Variants in NF1 observed in about 807,000 individuals in gnomAD.
The protein encoded by NF1 is neurofibromin 1.
A neutral mutation model predicts 325.7 loss-of-function variants in NF1; 122 were observed. The observed-to-expected ratio is 0.37, with a 90% CI of 0.32 to 0.44. The LOEUF is 0.44. Among genes scored for constraint, NF1 ranks in the 20% least tolerant of loss-of-function variants. NF1 has a pLI of 1.00. For synonymous variants in NF1, 1,091 were observed against 1,186.0 expected, an observed-to-expected ratio of 0.92 and a Z score of 1.65; for missense variants, 2,140 against 3,415.4, an observed-to-expected ratio of 0.63 and a Z score of 9.31.
At position 31,095,066 on chromosome 17, in the gene NF1, C is replaced by T. The variant is rs926248013; in HGVS notation, c.-244C>T. The T allele has an allele frequency of 2.1e-6, 1 of 477,552 alleles. No homozygotes were observed. The highest frequency in any genetic ancestry group is 3.7e-6 in the Non-Finnish European group (1 of 270,920). The allele number at this position is 477,552 out of a possible 1,614,324, so 29.6% of individuals were successfully genotyped here. A position where few individuals can be genotyped will look rare whatever the true frequency, so the allele number is the denominator to read the frequency against. On this transcript the variant is annotated 5_prime_UTR_variant, in exon 1 of 58. Transcript: ENST00000358273. ...GGGAGAGCGACCAAGAGGCCCCCTC[C>T]CCTCCCCGGGTCCCCTTCCCCTATC...
chr17:31,222,737 C>CT (rs959245076), intron 15 of NF1: 9 of 187,894 alleles, frequency 4.8e-5, no homozygotes, highest in East Asian at 1.2e-4. Flanking sequence ...ATTTCATTCT[C>CT]TTTTTTTTAA....
At chr17:31,286,431 T>A (rs2068229098) in intron 36 of NF1, among the ~76,000 whole-genome samples, 1 of 152,174 alleles carries the variant, frequency 6.6e-6, no homozygotes, top group African/African-American at 2.4e-5. Context: ...TTACAAGGTG[T>A]CTCTAAGCTC....
chr17:31,102,592 G>T (rs999968998), intron 1 of NF1, among the ~76,000 whole-genome samples: 1 of 151,854 alleles, frequency 6.6e-6, no homozygotes, highest in Non-Finnish European at 1.5e-5. Flanking sequence ...AAAATTAGTT[G>T]GGTGTGGTGG....
chr17:31,275,944 T>C (rs1200385997), intron 36 of NF1, among the ~76,000 whole-genome samples: 1 of 152,112 alleles, frequency 6.6e-6, no homozygotes, highest in Non-Finnish European at 1.5e-5. Flanking sequence ...GGACACAGGC[T>C]CATGCCTGTA....
chr17:31,112,686 A>G (rs1913522200), intron 1 of NF1, among the ~76,000 whole-genome samples: 1 of 152,162 alleles, frequency 6.6e-6, no homozygotes, highest in Middle Eastern at 3.2e-3. Context: ...TCATCAGATA[A>G]ATGATTTGCA....
At position 31,359,024 on chromosome 17, in the gene NF1, A is replaced by T; in HGVS notation, c.8160+9A>T. 6.2e-7 allele frequency: 1 copy of T among 1,613,182 alleles called. No individual in the cohort carries two copies. Among genetic ancestry groups the T allele is most frequent in the Non-Finnish European group, 8.5e-7 (1 of 1,179,442 alleles). ...CAGGACCGTTTTCAAAGGTAAGAAAATATATTTTTCTCTAACTTTTGGCAA... is the reference window on the plus strand; with the variant it reads ...CAGGACCGTTTTCAAAGGTAAGAAATTATATTTTTCTCTAACTTTTGGCAA... On this transcript the variant is annotated intron_variant, in intron 56 of 57. Transcript: ENST00000358273.
chr17:31,340,689 G>T (rs2151562230), intron 47 of NF1, 44 bp downstream of exon 47: 1 of 1,590,036 alleles, frequency 6.3e-7, no homozygotes, highest in Middle Eastern at 1.7e-4. Context: ...CTCAAATTTA[G>T]TACTCTTCCA....
chr17:31,201,366 T>A (rs369109136), intron 10 of NF1, 45 bp from the exon 11 acceptor site: 1 of 1,556,340 alleles, frequency 6.4e-7, no homozygotes, highest in African/African-American at 1.4e-5. Context: ...TTACTGAGTA[T>A]TTTTCTCATA....
At chr17:31,198,762 G>A (rs2066477424) in intron 8 of NF1, among the ~76,000 whole-genome samples, 1 of 151,986 alleles carries the variant, frequency 6.6e-6, no homozygotes, top group African/African-American at 2.4e-5. Context: ...CTACAGGCAT[G>A]CACCACCATG....
At chr17:31,154,432 C>T (rs1475807861) in intron 1 of NF1, among the ~76,000 whole-genome samples, 1 of 151,908 alleles carries the variant, frequency 6.6e-6, no homozygotes, top group Non-Finnish European at 1.5e-5. Flanking sequence ...AAGAAACATA[C>T]TGGAAAAGGA....
rs1597635781 is a variant in NF1, at chr17:31,163,257, T to C, written c.360T>C (p.Phe120=). ...AGTTGCTGCCAGAAATCTGCCATTT[T>C]CTTCACACCTGTCGTGAAGGAAACC... ...VKQLLPEICH[F]LHTCREGNQH... Residue 120 remains phenylalanine, a synonymous_variant, in exon 4 of 58, where the codon TTT becomes TTC. Coordinates refer to ENST00000358273, the MANE Select transcript of NF1 (RefSeq NM_001042492.3). The C allele has an allele frequency of 1.2e-6, 2 of 1,614,170 alleles. No homozygotes were observed. Among genetic ancestry groups the C allele is most frequent in the Non-Finnish European group, 1.7e-6 (2 of 1,180,014 alleles).
chr17:31,318,078 A>T, intron 36 of NF1: 1 of 488,374 alleles, frequency 2.0e-6, no homozygotes, highest in Non-Finnish European at 3.5e-6. Context: ...TCAAATGCTT[A>T]GTTATTTTAT....
At chr17:31,322,851 T>G (rs184925937) in intron 36 of NF1, among the ~76,000 whole-genome samples, 23 of 152,298 alleles carry the variant, frequency 1.5e-4, no homozygotes, top group African/African-American at 5.5e-4. Context: ...TTCCTTCATA[T>G]TGTTGGATCA....
rs79858668 is a variant in NF1, at chr17:31,321,185, T to C, written c.4836-4635T>C. 2.4e-3 allele frequency among the ~76,000 whole-genome samples: 367 copies of C among 152,352 alleles called. 3 individuals are homozygous for C. The highest frequency in any genetic ancestry group is 8.6e-3 in the African/African-American group (359 of 41,584). On this transcript the variant is annotated intron_variant, in intron 36 of 57. Coordinates refer to ENST00000358273, the MANE Select transcript of NF1 (RefSeq NM_001042492.3). The stretch of plus-strand genomic sequence containing the variant: ...AATTTATTTTCAGTAGAATTTGTAA[T>C]GTCCAAGCATTAGTAATGAGAAATT...
chr17:31,253,096 C>A, intron 31 of NF1, 96 bp downstream of exon 31: 1 of 933,958 alleles, frequency 1.1e-6, no homozygotes. Context: ...GCCTATTTGA[C>A]CTTCACTGTA....
chr17:31,322,475 C>T (rs1169086242), intron 36 of NF1, among the ~76,000 whole-genome samples: 3 of 110,602 alleles, frequency 2.7e-5, no homozygotes, highest in Non-Finnish European at 5.2e-5. Flanking sequence ...GCACTCCAGC[C>T]AGGAAGACAG....
chr17:31,178,543 C>T (rs545123846), intron 5 of NF1, among the ~76,000 whole-genome samples: 1 of 152,268 alleles, frequency 6.6e-6, no homozygotes, highest in East Asian at 1.9e-4. Flanking sequence ...GGGCTAAATG[C>T]CCCAATTAAA....
At chr17:31,198,609 TTTG>T (rs989383054) in intron 8 of NF1, among the ~76,000 whole-genome samples, 2 of 151,438 alleles carry the variant, frequency 1.3e-5, no homozygotes, top group East Asian at 3.9e-4. Context: ...CACCACTTTT[TTTG>T]TTGTTGTTGA....
At chr17:31,263,103 G>A (rs35807189) in intron 35 of NF1, among the ~76,000 whole-genome samples, 3,597 of 59,382 alleles carry the variant, frequency 0.061, 141 homozygotes, top group African/African-American at 0.13. Flanking sequence ...AGGTAGGTAG[G>A]TAGGTAGATA....
Sources: gnomAD v4.1 joint callset for allele counts (sites outside exome capture counted in the v4.1 genomes callset) on GRCh38, gnomAD v4.1.1 for gene constraint, MANE v1.5 for transcripts, NCBI Gene and HGNC (gene_info 2026-07-23, HGNC 2026-07-21) for gene names.